The following VIL1 variants were observed in gnomAD, a reference collection of about 807,000 sequenced individuals.
VIL1 encodes villin-1.
A neutral mutation model predicts 104.0 loss-of-function variants in VIL1; 86 were observed. The ratio of observed to expected loss-of-function variants is 0.83; its 90% CI spans 0.69 to 0.99. The LOEUF (loss-of-function observed/expected upper bound fraction) is 0.99. VIL1 is among the 50% of genes least tolerant of loss of function. The pLI is 0.00. For missense variants in VIL1, 944 were observed against 1,054.1 expected (o/e 0.90, Z 1.45); for synonymous variants, 394 against 412.6 (o/e 0.95, Z 0.55).
In VIL1 at chr2:218,425,785, C is replaced by T. The variant is rs267599210; in HGVS notation, c.321C>T (p.Phe107=). Residue 107 remains phenylalanine (F), a synonymous_variant, in exon 4 of 20, where the codon TTC becomes TTT. Coordinates refer to ENST00000248444, the MANE Select transcript of VIL1 (RefSeq NM_007127.3). Reference sequence around the variant, plus strand: ...TCCAGGGCAACGAGAGCGAGGCCTTCCGAGGCTACTTCAAGCAAGGCCTTG... The same window carrying T: ...TCCAGGGCAACGAGAGCGAGGCCTTTCGAGGCTACTTCAAGCAAGGCCTTG... ...REVQGNESEA[F]RGYFKQGLVI... is the part of the protein sequence containing the mutation. The T allele has an allele frequency of 2.5e-6, 4 of 1,611,948 alleles. No homozygotes were observed. The Admixed American group carries it at 6.7e-5, about 27-fold the overall frequency.
chr2:218,440,003 C>G (rs1689260833), intron 18 of VIL1, among the ~76,000 whole-genome samples: 1 of 152,006 alleles, frequency 6.6e-6, no homozygotes, highest in Non-Finnish European at 1.5e-5. Context: ...CACAAGCACA[C>G]TGGGGTATAA....
chr2:218,420,614 C>G (rs1688887140), intron 1 of VIL1, among the ~76,000 whole-genome samples: 1 of 140,736 alleles, frequency 7.1e-6, no homozygotes, highest in African/African-American at 2.6e-5. Flanking sequence ...GAGAAGGAGT[C>G]TCACTCTTTC....
intron 19 of VIL1, among the ~76,000 whole-genome samples, chr2:218,443,080 G>A (rs897184529): frequency 6.6e-6 from 1 of 152,092 alleles, no homozygotes; most frequent in African/African-American, 2.4e-5. Context: ...GAAAACTGAA[G>A]TCCAGAGAGA....
rs539504867 is a variant in VIL1 at position 218,426,720 on chromosome 2, G to A, written c.347+909G>A. Among the ~76,000 whole-genome samples, 108 of 152,224 alleles carry A rather than the reference G, an allele frequency of 7.1e-4. 6 individuals are homozygous for A. The highest frequency in any genetic ancestry group is 1.3e-4 in the Non-Finnish European group (9 of 68,012). On this transcript the variant is annotated intron_variant, in intron 4 of 19. Coordinates refer to ENST00000248444, the MANE Select transcript of VIL1 (RefSeq NM_007127.3). ...AGGCTCACGCCATTCTCCTGCCTCA[G>A]CCTCCCCAGCAGCTGGGACTACAGG...
At chr2:218,430,010 T>C (rs1027679243) in intron 9 of VIL1, 63 bp downstream of exon 9, 77 of 1,439,582 alleles carry the variant, frequency 5.3e-5, no homozygotes, top group Non-Finnish European at 6.7e-5. Context: ...AGAGAGCAGA[T>C]AGCAGCATGG....
chr2:218,444,471 G>A lies in VIL1; in HGVS notation c.2370+3609G>A, dbSNP rs977466284. The stretch of plus-strand genomic sequence containing the variant: ...ATTTTAGTATTTTTAGTAGAGACGG[G>A]GTTTCACTGTGTTAGCCAGGATGGT... On this transcript the variant is annotated intron_variant, in intron 19 of 19. Transcript: ENST00000248444. Among the ~76,000 whole-genome samples, 3 of 151,544 alleles carry A rather than the reference G, an allele frequency of 2.0e-5. No homozygotes were observed. The East Asian group carries it at 5.9e-4, about 30-fold the overall frequency.
Position 218,428,225 on chromosome 2 carries a change from A to C in VIL1, c.457-2A>C. The stretch of plus-strand genomic sequence containing the variant: ...GTCTGTGCCTCCCCTGTGGCTCCCT[A>C]GGTAGAGATGTCCTGGAAGAGTTTC... On this transcript the variant is annotated splice_acceptor_variant, in intron 5 of 19. Coordinates refer to ENST00000248444, the MANE Select transcript of VIL1 (RefSeq NM_007127.3). LOFTEE classifies it high-confidence loss of function. 1 of 1,613,836 alleles carries C rather than the reference A, an allele frequency of 6.2e-7. No individual in the cohort carries two copies. Among genetic ancestry groups the C allele is most frequent in the Non-Finnish European group, 8.5e-7 (1 of 1,179,792 alleles).
intron 2 of VIL1, 72 bp downstream of exon 2, chr2:218,423,925 T>G (rs1380658782): frequency 3.2e-6 from 5 of 1,561,874 alleles, no homozygotes; most frequent in Non-Finnish European, 4.4e-6. Context: ...GAGGGAGGCC[T>G]GGGATTTCTC....
At chr2:218,441,993 G>GATAATA (rs34846635) in intron 19 of VIL1, among the ~76,000 whole-genome samples, 1 of 151,310 alleles carries the variant, frequency 6.6e-6, no homozygotes, top group East Asian at 1.9e-4. Context: ...ATCTCAAAAT[G>GATAATA]ATAATAATAA....
chr2:218,422,249 CTG>C (rs1057049590), intron 1 of VIL1, among the ~76,000 whole-genome samples: 7 of 152,082 alleles, frequency 4.6e-5, no homozygotes, highest in Non-Finnish European at 8.8e-5. Context: ...GAGTGAAACT[CTG>C]TCCCAAAAAT....
chr2:218,436,598 A>G lies in VIL1; in HGVS notation c.1943A>G (p.Asp648Gly). The G allele has an allele frequency of 6.2e-7, 1 of 1,614,058 alleles. No homozygotes were observed. The highest frequency in any genetic ancestry group is 8.5e-7 in the Non-Finnish European group (1 of 1,180,002). The part of the protein sequence containing the change: ...DFNQDDLEED[D>G]VFLLDVWDQV... The stretch of plus-strand genomic sequence containing the variant: ...AATCAGGATGACTTGGAAGAGGATG[A>G]TGTGTTCCTACTAGATGTCTGGGAC... Residue 648 changes from aspartate (D) to glycine (G), a missense_variant, in exon 16 of 20, where the codon GAT (aspartate) becomes GGT (glycine). Transcript: ENST00000248444.
chr2:218,433,775 T>A (rs1689138493), intron 13 of VIL1, among the ~76,000 whole-genome samples: 1 of 151,858 alleles, frequency 6.6e-6, no homozygotes, highest in Non-Finnish European at 1.5e-5. Flanking sequence ...AACGTGGTAG[T>A]GCACACTTGT....
At position 218,440,868 on chromosome 2, in the gene VIL1, T is replaced by C. The variant is rs186261783; in HGVS notation, c.2370+6T>C. ...TGGACCCCAGCAGGAAGGAGGTAGGTCAGATTCTCAAAGGAAGACAAAGAA... is the reference window on the plus strand; with the variant it reads ...TGGACCCCAGCAGGAAGGAGGTAGGCCAGATTCTCAAAGGAAGACAAAGAA... On this transcript the variant is annotated splice_donor_region_variant and intron_variant, in intron 19 of 19. Transcript: ENST00000248444. 98 of 1,613,570 alleles carry C rather than the reference T, an allele frequency of 6.1e-5. 2 individuals carry two copies. In the Admixed American group the frequency reaches 1.2e-3, roughly 20 times the overall value.
intron 1 of VIL1, among the ~76,000 whole-genome samples, chr2:218,421,870 A>G (rs1688902887): frequency 2.0e-5 from 3 of 152,192 alleles, no homozygotes; most frequent in Admixed American, 6.5e-5. Flanking sequence ...TTTAGAGATC[A>G]TCGATTTAGT....
At position 218,438,701 on chromosome 2, in the gene VIL1, C is replaced by G. The variant is rs763114377; in HGVS notation, c.2204C>G (p.Ser735Cys). 1.2e-6 allele frequency: 2 copies of G among 1,612,566 alleles called. No homozygotes were observed. The highest frequency in any genetic ancestry group is 1.7e-6 in the Non-Finnish European group (2 of 1,179,714). ...GACCTGAAGGCGGAGCTTGGCAACT[C>G]TAGGGACTGGAGCCAGATCACTGCT... ...YEDLKAELGNSRDWSQITAEV... is the reference protein window; with the variant it reads ...YEDLKAELGNCRDWSQITAEV... Residue 735 changes from serine to cysteine, a missense_variant, in exon 18 of 20, where the codon TCT becomes TGT. Transcript: ENST00000248444.
chr2:218,428,177 ATG>A, intron 5 of VIL1, 48 bp from the exon 6 acceptor site: 5 of 1,603,354 alleles, frequency 3.1e-6, no homozygotes, highest in Non-Finnish European at 4.3e-6. Flanking sequence ...AAGATGATGG[ATG>A]ATAGGTGAGC....
intron 12 of VIL1, 123 bp downstream of exon 12, chr2:218,432,306 A>G (rs1438709800): frequency 1.4e-6 from 2 of 1,426,366 alleles, no homozygotes; most frequent in African/African-American, 2.8e-5. Flanking sequence ...CACCCCTTCA[A>G]GAAGGACTGC....
intron 3 of VIL1, among the ~76,000 whole-genome samples, chr2:218,424,798 A>T (rs149852901): frequency 6.6e-6 from 1 of 152,122 alleles, no homozygotes; most frequent in South Asian, 2.1e-4. Flanking sequence ...CTTGGACTAC[A>T]GGCACGTGCC....
chr2:218,424,497 G>C (rs766172374), intron 3 of VIL1, 146 bp downstream of exon 3: 1 of 800,228 alleles, frequency 1.2e-6, no homozygotes, highest in Non-Finnish European at 2.0e-6. Flanking sequence ...GCCCAACCCT[G>C]TGGGGGCTTC....
Sources: allele counts gnomAD v4.1 joint callset (sites outside exome capture counted in the v4.1 genomes callset), GRCh38; gene constraint gnomAD v4.1.1; transcripts MANE v1.5; gene names NCBI Gene and HGNC (gene_info 2026-07-23, HGNC 2026-07-21).